Variants in TMEM132C observed in about 807,000 individuals in gnomAD.
The protein encoded by TMEM132C is transmembrane protein 132C.
In TMEM132C, 29 loss-of-function variants were observed where a neutral mutation model predicts 61.4. That is an observed-to-expected ratio of 0.47 (90% CI 0.35 to 0.64). The LOEUF (loss-of-function observed/expected upper bound fraction) is 0.64. Among genes scored for constraint, TMEM132C ranks in the 30% least tolerant of loss-of-function variants. The pLI is 0.00. For synonymous variants in TMEM132C, 656 were observed against 633.1 expected (o/e 1.04, Z -0.54); for missense variants, 1,408 against 1,476.9 (o/e 0.95, Z 0.76).
rs1016757365 is a variant in TMEM132C at position 128,437,829 on chromosome 12, T to C, written c.974+22209T>C. 2.6e-5 allele frequency: 4 copies of C among 152,328 alleles called. No individual in the cohort carries two copies. The East Asian group carries it at 5.8e-4, about 22-fold the overall frequency. The allele number at this position is 152,328 out of a possible 1,614,324, so 9.4% of individuals were successfully genotyped here. Reference sequence around the variant, plus strand: ...ACAGCCCCCATCTCTTGGCAATCTGTTTCTGATATTTTTCTTTGACCCTGT... The same window carrying C: ...ACAGCCCCCATCTCTTGGCAATCTGCTTCTGATATTTTTCTTTGACCCTGT... On this transcript the variant is annotated intron_variant, in intron 2 of 8. Coordinates refer to ENST00000435159, the MANE Select transcript of TMEM132C (RefSeq NM_001136103.3).
At chr12:128,696,821 T>C (rs574559942) in intron 7 of TMEM132C, among the ~76,000 whole-genome samples, 2 of 152,256 alleles carry the variant, frequency 1.3e-5, no homozygotes, top group African/African-American at 4.8e-5. Flanking sequence ...ATTGTGGTGG[T>C]GGTGGGAGGA....
chr12:128,479,650 G>A (rs1349859478), intron 2 of TMEM132C, among the ~76,000 whole-genome samples: 2 of 152,148 alleles, frequency 1.3e-5, no homozygotes, highest in African/African-American at 2.4e-5. Context: ...AGACTGCATG[G>A]CCCAAGAAAT....
chr12:128,312,336 CTTGCTCTG>C (rs1321095554), intron 1 of TMEM132C, among the ~76,000 whole-genome samples: 1 of 152,134 alleles, frequency 6.6e-6, no homozygotes, highest in East Asian at 1.9e-4. Flanking sequence ...GAGACAAGGT[CTTGCTCTG>C]TTGCCCAGGC....
chr12:128,373,534 A>G (rs957306449), intron 1 of TMEM132C, among the ~76,000 whole-genome samples: 2 of 152,212 alleles, frequency 1.3e-5, no homozygotes, highest in African/African-American at 4.8e-5. Flanking sequence ...GCCAAAGGAA[A>G]GGTGATGATT....
At chr12:128,520,859 T>C (rs1872883534) in intron 2 of TMEM132C, among the ~76,000 whole-genome samples, 1 of 152,024 alleles carries the variant, frequency 6.6e-6, no homozygotes, top group South Asian at 2.1e-4. Context: ...TGTCTCTTTG[T>C]TGTGCTTCTC....
chr12:128,586,163 G>A (rs1875539964), intron 3 of TMEM132C, among the ~76,000 whole-genome samples: 2 of 152,192 alleles, frequency 1.3e-5, no homozygotes, highest in Admixed American at 1.3e-4. Context: ...GGAATTAAGG[G>A]TCAGGGATGG....
chr12:128,367,205 TGGAGG>T (rs1434567780), intron 1 of TMEM132C, among the ~76,000 whole-genome samples: 1 of 152,072 alleles, frequency 6.6e-6, no homozygotes, highest in African/African-American at 2.4e-5. Context: ...GGCAGGAGCT[TGGAGG>T]GGAAGGCCAG....
intron 2 of TMEM132C, among the ~76,000 whole-genome samples, chr12:128,456,032 G>C (rs964974806): frequency 1.1e-4 from 17 of 152,150 alleles, no homozygotes; most frequent in African/African-American, 3.9e-4. Context: ...GCTCTATTTG[G>C]AGTAAATGCT....
intron 1 of TMEM132C, among the ~76,000 whole-genome samples, chr12:128,387,172 A>G (rs1467853357): frequency 6.6e-6 from 1 of 151,670 alleles, no homozygotes; most frequent in African/African-American, 2.4e-5. Flanking sequence ...GAAACTAAAA[A>G]CTGGGAATGG....
intron 2 of TMEM132C, among the ~76,000 whole-genome samples, chr12:128,417,832 A>G (rs1186761611): frequency 6.6e-6 from 1 of 152,194 alleles, no homozygotes; most frequent in Non-Finnish European, 1.5e-5. Context: ...GTGTAAAACA[A>G]CTACCAAGTT....
At chr12:128,275,514 G>A (rs771662562) in intron 1 of TMEM132C, among the ~76,000 whole-genome samples, 12 of 152,070 alleles carry the variant, frequency 7.9e-5, no homozygotes, top group Non-Finnish European at 1.5e-4. Flanking sequence ...ACATTATGGT[G>A]AGTTATATAA....
At chr12:128,421,250 C>A (rs1242346378) in intron 2 of TMEM132C, among the ~76,000 whole-genome samples, 2 of 152,182 alleles carry the variant, frequency 1.3e-5, no homozygotes, top group East Asian at 3.9e-4. Context: ...ACCTAAATGC[C>A]CATCAGCCAA....
At position 128,626,928 on chromosome 12, in the gene TMEM132C, A is replaced by G. The variant is rs1954022706; in HGVS notation, c.1305+10593A>G. 5.9e-5 allele frequency among the ~76,000 whole-genome samples: 9 copies of G among 152,214 alleles called. No individual in the cohort carries two copies. The South Asian group carries it at 8.3e-4, about 14-fold the overall frequency. On this transcript the variant is annotated intron_variant, in intron 4 of 8. Coordinates refer to ENST00000435159, the MANE Select transcript of TMEM132C (RefSeq NM_001136103.3). ...AGAAGGAAACGCTCACTCCAGCCCC[A>G]CTGCCACCCCAGCCTGCCGAGTCAA... is the stretch of plus-strand genomic sequence containing the variant.
chr12:128,462,028 T>G (rs755253928), intron 2 of TMEM132C, among the ~76,000 whole-genome samples: 3 of 152,232 alleles, frequency 2.0e-5, no homozygotes, highest in Non-Finnish European at 2.9e-5. Context: ...CCTTCTTCAC[T>G]GTGAAATCCA....
At chr12:128,666,184 TACAC>T (rs1424871274) in intron 4 of TMEM132C, among the ~76,000 whole-genome samples, 1 of 64,216 alleles carries the variant, frequency 1.6e-5, no homozygotes, top group Non-Finnish European at 3.1e-5. Flanking sequence ...CACACACACA[TACAC>T]ACAGGCACAT....
At chr12:128,296,332 G>C (rs542375836) in intron 1 of TMEM132C, among the ~76,000 whole-genome samples, 59 of 152,320 alleles carry the variant, frequency 3.9e-4, no homozygotes, top group African/African-American at 1.4e-3. Flanking sequence ...TGGTTTCCAG[G>C]TTAATTGATG....
chr12:128,604,052 C>T (rs1210651586), intron 3 of TMEM132C, among the ~76,000 whole-genome samples: 1 of 152,176 alleles, frequency 6.6e-6, no homozygotes, highest in Non-Finnish European at 1.5e-5. Flanking sequence ...CCGTGTCTCT[C>T]TCCCTGGTGG....
intron 2 of TMEM132C, among the ~76,000 whole-genome samples, chr12:128,495,350 G>T (rs1251969663): frequency 1.3e-5 from 2 of 152,068 alleles, no homozygotes; most frequent in Non-Finnish European, 2.9e-5. Flanking sequence ...TGTCTATTAG[G>T]TCCGCTTGGT....
In TMEM132C at chr12:128,706,030, T is replaced by C. The variant is rs1316471698; in HGVS notation, c.3062T>C (p.Val1021Ala). Residue 1021 changes from valine to alanine, a missense_variant, in exon 9 of 9, where the codon GTG becomes GCG. Val to Ala is a moderately conservative substitution (Grantham distance 64). Transcript: ENST00000435159. ...LLLNGGSHKH[V>A]QSQIHRSADS... The stretch of plus-strand genomic sequence containing the variant: ...CTCAATGGTGGCTCCCACAAGCACG[T>C]GCAGAGCCAGATTCACAGGTCAGCC... The C allele has an allele frequency of 6.4e-7, 1 of 1,551,666 alleles. No individual in the cohort carries two copies. Among genetic ancestry groups the C allele is most frequent in the Non-Finnish European group, 8.7e-7 (1 of 1,147,000 alleles).
Sources: gnomAD v4.1 joint callset for allele counts (sites outside exome capture counted in the v4.1 genomes callset) on GRCh38, gnomAD v4.1.1 for gene constraint, MANE v1.5 for transcripts, NCBI Gene and HGNC (gene_info 2026-07-23, HGNC 2026-07-21) for gene names.